CPB1: variants seen among roughly 807,000 people sequenced by gnomAD.
CPB1 encodes carboxypeptidase B.
In CPB1, 53 loss-of-function variants were observed where a neutral mutation model predicts 51.4. The observed-to-expected ratio is 1.03, with a 90% CI of 0.83 to 1.30. The LOEUF is 1.30. Ranked by LOEUF, CPB1 falls within the 50% of genes most tolerant of loss-of-function variation. The pLI is 0.00. For missense variants in CPB1, 494 were observed against 516.2 expected, an observed-to-expected ratio of 0.96 and a Z score of 0.42; for synonymous variants, 189 against 186.9, an observed-to-expected ratio of 1.01 and a Z score of -0.09.
At chr3:148,845,069 T>C (rs1176157580) in intron 8 of CPB1, among the ~76,000 whole-genome samples, 1 of 152,136 alleles carries the variant, frequency 6.6e-6, no homozygotes, top group Non-Finnish European at 1.5e-5. Flanking sequence ...AATAATTATT[T>C]ACATAAAATC....
At chr3:148,857,783 C>T (rs1278758738) in intron 10 of CPB1, among the ~76,000 whole-genome samples, 1 of 151,996 alleles carries the variant, frequency 6.6e-6, no homozygotes, top group African/African-American at 2.4e-5. Flanking sequence ...CCTGTAATCC[C>T]AGCTACTCAG....
chr3:148,831,408 A>C (rs1712733393), intron 2 of CPB1, among the ~76,000 whole-genome samples: 2 of 152,222 alleles, frequency 1.3e-5, no homozygotes, highest in South Asian at 2.1e-4. Flanking sequence ...CACCAAGATA[A>C]ATGAAAAGTC....
chr3:148,834,318 T>A (rs768059322), intron 2 of CPB1, among the ~76,000 whole-genome samples, 180 bp from the exon 3 acceptor site: 12 of 152,250 alleles, frequency 7.9e-5, no homozygotes, highest in Non-Finnish European at 1.8e-4. Context: ...TTGTTAACAC[T>A]TTTATCAACA....
intron 9 of CPB1, among the ~76,000 whole-genome samples, chr3:148,853,992 T>C (rs1713503379): frequency 6.6e-6 from 1 of 152,242 alleles, no homozygotes; most frequent in Non-Finnish European, 1.5e-5. Context: ...GCAAGTTTTA[T>C]AGAAATCATC....
In CPB1 at chr3:148,859,800, G is replaced by A; in HGVS notation, c.1067-15G>A. On this transcript the variant is annotated splice_polypyrimidine_tract_variant and intron_variant, in intron 10 of 10. Coordinates refer to ENST00000282957, the MANE Select transcript of CPB1 (RefSeq NM_001871.3). ...AGATTTAAAGTTTTTTTTCACTGCT[G>A]TTTGCACATTTCAGATCCTGCTGCT... 1 of 1,596,650 alleles carries A rather than the reference G, an allele frequency of 6.3e-7. No individual in the cohort carries two copies. The highest frequency in any genetic ancestry group is 8.5e-7 in the Non-Finnish European group (1 of 1,170,944).
chr3:148,857,704 G>T, intron 10 of CPB1, 163 bp downstream of exon 10: 1 of 467,764 alleles, frequency 2.1e-6, no homozygotes, highest in Non-Finnish European at 3.7e-6. Flanking sequence ...AAAAAAAAAG[G>T]AGGGAAAGCC....
chr3:148,831,035 T>C (rs912058362), intron 2 of CPB1, among the ~76,000 whole-genome samples: 31 of 152,222 alleles, frequency 2.0e-4, no homozygotes, highest in African/African-American at 6.3e-4. Context: ...CTCTCAGCTT[T>C]TGAACATGTC....
chr3:148,828,208 A>C (rs16861010), intron 2 of CPB1, 131 bp downstream of exon 2: 2 of 728,470 alleles, frequency 2.7e-6, no homozygotes, highest in African/African-American at 3.6e-5. Flanking sequence ...AACTTGGAAA[A>C]CATTTAGTGC....
intron 3 of CPB1, among the ~76,000 whole-genome samples, chr3:148,839,292 T>C (rs1258394895): frequency 6.6e-6 from 1 of 152,198 alleles, no homozygotes; most frequent in African/African-American, 2.4e-5. Context: ...AGAGCTTCCC[T>C]GTTGATAACT....
intron 9 of CPB1, among the ~76,000 whole-genome samples, chr3:148,853,963 G>A (rs1485991865): frequency 1.3e-5 from 2 of 152,184 alleles, no homozygotes; most frequent in Non-Finnish European, 2.9e-5. Flanking sequence ...GAGAAACAAT[G>A]TAAGATGTCC....
chr3:148,840,893 A>T lies in CPB1; in HGVS notation c.392A>T (p.Gln131Leu). Residue 131 changes from glutamine (Q) to leucine (L), a missense_variant, in exon 5 of 11, where the codon CAA becomes CTA. Coordinates refer to ENST00000282957, the MANE Select transcript of CPB1 (RefSeq NM_001871.3). ...KWETIEAWTQ[Q>L]VATENPALIS... ...TGGTAGATAGAGGCTTGGACTCAAC[A>T]AGTCGCCACTGAGAATCCAGCCCTC... 6.2e-7 allele frequency: 1 copy of T among 1,614,138 alleles called. No homozygotes were observed. Among genetic ancestry groups the T allele is most frequent in the Non-Finnish European group, 8.5e-7 (1 of 1,179,990 alleles).
At chr3:148,852,530 C>T (rs1021397848) in intron 9 of CPB1, among the ~76,000 whole-genome samples, 1 of 152,204 alleles carries the variant, frequency 6.6e-6, no homozygotes, top group Non-Finnish European at 1.5e-5. Flanking sequence ...CAAAGGCTCT[C>T]GCCTTTCACA....
intron 3 of CPB1, among the ~76,000 whole-genome samples, chr3:148,835,377 C>CTGGAGTTCAGAAGAATAGAGCA (rs1712874193): frequency 1.3e-5 from 2 of 151,996 alleles, no homozygotes; most frequent in Non-Finnish European, 2.9e-5. Context: ...TAGTATTTAA[C>CTGGAGTTCAGAAGAATAGAGCA]AGATGGAAAG....
chr3:148,857,689 CAAAAA>C, intron 10 of CPB1, 148 bp downstream of exon 10: 2 of 315,096 alleles, frequency 6.3e-6, no homozygotes, highest in Non-Finnish European at 1.1e-5. Flanking sequence ...GTTTTCTGTT[CAAAAA>C]AAAAAAAAGG....
chr3:148,858,095 CA>C (rs1018516042), intron 10 of CPB1, among the ~76,000 whole-genome samples: 13 of 152,044 alleles, frequency 8.6e-5, no homozygotes, highest in Admixed American at 2.6e-4. Flanking sequence ...AAAGAACTAG[CA>C]GTAGGGAAGC....
chr3:148,859,583 C>T (rs1713689999), intron 10 of CPB1, among the ~76,000 whole-genome samples: 1 of 152,174 alleles, frequency 6.6e-6, no homozygotes. Flanking sequence ...TACGTACTTT[C>T]TGAAGTATTA....
intron 9 of CPB1, among the ~76,000 whole-genome samples, chr3:148,845,893 A>G (rs1339875616): frequency 6.6e-6 from 1 of 152,182 alleles, no homozygotes; most frequent in Non-Finnish European, 1.5e-5. Context: ...GCTTCACCAC[A>G]ATGCTGACTT....
Position 148,857,487 on chromosome 3 carries a change from C to T in CPB1, c.1012C>T (p.Leu338Phe), listed in dbSNP as rs749622702. Residue 338 changes from leucine (L) to phenylalanine (F), a missense_variant, in exon 10 of 11, where the codon CTT (leucine) becomes TTT (phenylalanine). Coordinates refer to ENST00000282957, the MANE Select transcript of CPB1 (RefSeq NM_001871.3). ...NALAKATVKE[L>F]ASLHGTKYTY... is the part of the protein sequence containing the mutation. ...CCTGGCTAAAGCTACTGTGAAAGAA[C>T]TTGCCTCACTGCACGGCACCAAGTA... is the stretch of plus-strand genomic sequence containing the variant. The T allele has an allele frequency of 1.2e-6, 2 of 1,613,968 alleles. No individual in the cohort carries two copies. Among genetic ancestry groups the T allele is most frequent in the Non-Finnish European group, 1.7e-6 (2 of 1,179,928 alleles).
At position 148,834,547 on chromosome 3, in the gene CPB1, C is replaced by G. The variant is rs1166965324; in HGVS notation, c.197C>G (p.Thr66Arg). 6.2e-7 allele frequency: 1 copy of G among 1,613,370 alleles called. No individual in the cohort carries two copies. Among genetic ancestry groups the G allele is most frequent in the Admixed American group, 1.7e-5 (1 of 60,014 alleles). The change falls in exon 3 of 11, where the codon ACA becomes AGA. Residue 66 changes from threonine to arginine, a missense_variant. By Grantham distance (71) the Thr-to-Arg change is moderately conservative (BLOSUM62 -1). Transcript: ENST00000282957. ...DSVTQIKPHS[T>R]VDFRVKAEDT... ...GTCACACAAATCAAACCTCACAGTA[C>G]AGTTGACTTCCGTGTTAAAGCAGAA...
Sources: allele counts gnomAD v4.1 joint callset (sites outside exome capture counted in the v4.1 genomes callset), GRCh38; gene constraint gnomAD v4.1.1; transcripts MANE v1.5; gene names NCBI Gene and HGNC (gene_info 2026-07-23, HGNC 2026-07-21).